UTRN: variants seen among roughly 807,000 people sequenced by gnomAD.
The protein encoded by UTRN is utrophin.
Under a neutral mutation model 463.9 loss-of-function variants are expected in UTRN, and 283 were observed. That is an observed-to-expected ratio of 0.61 (90% CI 0.55 to 0.67). The LOEUF (loss-of-function observed/expected upper bound fraction) is 0.67, where lower values mean the gene tolerates loss of function less well. Ranked by LOEUF, UTRN falls within the 30% of genes least tolerant of loss-of-function variation. UTRN has a pLI of 0.00. For synonymous variants in UTRN, 1,442 were observed against 1,431.5 expected (o/e 1.01, Z -0.17); for missense variants, 3,922 against 4,084.3 (o/e 0.96, Z 1.08).
intron 9 of UTRN, among the ~76,000 whole-genome samples, chr6:144,431,797 A>G (rs535073408): frequency 6.6e-6 from 1 of 152,156 alleles, no homozygotes; most frequent in South Asian, 2.1e-4. Flanking sequence ...TTTTGTCCAT[A>G]ACTTAACTCA....
At chr6:144,685,738 T>G (rs1782681608) in intron 52 of UTRN, among the ~76,000 whole-genome samples, 1 of 152,178 alleles carries the variant, frequency 6.6e-6, no homozygotes, top group Non-Finnish European at 1.5e-5. Context: ...CTAATTTGAG[T>G]TCCTTGTAGA....
chr6:144,542,668 A>G, intron 45 of UTRN, 127 bp from the exon 46 acceptor site: 3 of 884,348 alleles, frequency 3.4e-6, no homozygotes, highest in Non-Finnish European at 5.1e-6. Context: ...AGGTAGAGCC[A>G]GAAGTTTAGG....
At chr6:144,690,095 T>TTTTTTTGTGTCTG (rs59704043) in intron 52 of UTRN, among the ~76,000 whole-genome samples, 1 of 33,456 alleles carries the variant, frequency 3.0e-5, no homozygotes, top group Admixed American at 6.8e-4. Context: ...TTTTTTTTTT[T>TTTTTTTGTGTCTG]TGTGTGTGTG....
intron 53 of UTRN, among the ~76,000 whole-genome samples, chr6:144,719,457 A>C (rs1443317131): frequency 6.6e-6 from 1 of 152,118 alleles, no homozygotes; most frequent in Non-Finnish European, 1.5e-5. Context: ...CCTGCCTGTA[A>C]TCCCAGCTAC....
rs1782470926 is a variant in UTRN, at chr6:144,851,353, A to G, written c.*356A>G. ...ATATGATACCGTCTTTTTAATAACT[A>G]TGACAAAGCTTACATAAGAATTAGA... On this transcript the variant is annotated 3_prime_UTR_variant, in exon 75 of 75. Transcript: ENST00000367545. 2.2e-5 allele frequency: 5 copies of G among 227,436 alleles called. No individual in the cohort carries two copies. The South Asian group carries it at 4.9e-4, about 22-fold the overall frequency. 14.1% of individuals were successfully genotyped at this position (227,436 alleles called of 1,614,324 possible).
At chr6:144,359,401 C>T (rs986736148) in intron 2 of UTRN, among the ~76,000 whole-genome samples, 2 of 152,176 alleles carry the variant, frequency 1.3e-5, no homozygotes, top group Non-Finnish European at 2.9e-5. Context: ...ATACTTGCTA[C>T]TATTATTATT....
At chr6:144,511,612 A>G (rs192997339) in intron 35 of UTRN, among the ~76,000 whole-genome samples, 320 of 152,346 alleles carry the variant, frequency 2.1e-3, no homozygotes, top group African/African-American at 7.4e-3. Flanking sequence ...TATTATATCT[A>G]TCTCATACAG....
At chr6:144,627,034 A>G (rs920068396) in intron 51 of UTRN, among the ~76,000 whole-genome samples, 1 of 152,166 alleles carries the variant, frequency 6.6e-6, no homozygotes, top group Admixed American at 6.5e-5. Flanking sequence ...CAAACAAAAC[A>G]CTGACCTAGT....
At chr6:144,824,507 T>TA (rs1562954459) in intron 66 of UTRN, among the ~76,000 whole-genome samples, 8 of 113,192 alleles carry the variant, frequency 7.1e-5, no homozygotes, top group South Asian at 7.3e-4. Context: ...TATGTATATA[T>TA]TGTATATATA....
In UTRN at chr6:144,558,469, A is replaced by T. The variant is rs560127286; in HGVS notation, c.7289+1158A>T. ...TAAGGATATCATAACTCAGGCAGGG[A>T]AGAAGGTGAATTAAAAACAGCTTTA... On this transcript the variant is annotated intron_variant, in intron 50 of 74. Transcript: ENST00000367545. 1.7e-4 allele frequency among the ~76,000 whole-genome samples: 26 copies of T among 152,234 alleles called. No individual in the cohort carries two copies. The South Asian group carries it at 4.8e-3, about 28-fold the overall frequency.
chr6:144,610,815 C>T (rs1805422378), intron 51 of UTRN, among the ~76,000 whole-genome samples: 1 of 152,154 alleles, frequency 6.6e-6, no homozygotes, highest in Non-Finnish European at 1.5e-5. Flanking sequence ...GCATAGGTTG[C>T]AGTGAGCCGA....
Position 144,514,559 on chromosome 6 carries a change from A to G in UTRN, c.5074-91A>G. ...CTCTTACTGGGGATCCCAGATATTT[A>G]TTTAAACTACCTTTCCTTCTGTATA... On this transcript the variant is annotated intron_variant, in intron 36 of 74. Transcript: ENST00000367545. 9 of 1,369,088 alleles carry G rather than the reference A, an allele frequency of 6.6e-6. No individual in the cohort carries two copies. The South Asian group carries it at 1.2e-4, about 19-fold the overall frequency. 84.8% of individuals were successfully genotyped at this position (1,369,088 alleles called of 1,614,324 possible). A position where few individuals can be genotyped will look rare whatever the true frequency, so the allele number is the denominator to read the frequency against.
At chr6:144,379,234 A>AT (rs35706873) in intron 2 of UTRN, among the ~76,000 whole-genome samples, 138,188 of 152,248 alleles carry the variant, frequency 0.91, 62,888 homozygotes, top group African/African-American at 0.97. Context: ...TCACCCCAAC[A>AT]TTGGTGCTTT....
At chr6:144,526,910 C>T (rs564211568) in intron 41 of UTRN, among the ~76,000 whole-genome samples, 1 of 152,186 alleles carries the variant, frequency 6.6e-6, no homozygotes, top group African/African-American at 2.4e-5. Flanking sequence ...AGTTCTCTGC[C>T]TCAGCCTCCC....
chr6:144,758,598 TTTC>T (rs1272194157), intron 58 of UTRN, among the ~76,000 whole-genome samples: 2 of 152,300 alleles, frequency 1.3e-5, no homozygotes, highest in African/African-American at 2.4e-5. Context: ...TTGCATACTG[TTTC>T]TTCTTCTTAT....
intron 2 of UTRN, among the ~76,000 whole-genome samples, chr6:144,351,270 A>G (rs1233186106): frequency 6.6e-6 from 1 of 152,236 alleles, no homozygotes; most frequent in East Asian, 1.9e-4. Context: ...TCAAGTCAGT[A>G]CAGGAAAAAA....
intron 42 of UTRN, 64 bp downstream of exon 42, chr6:144,531,266 A>T: frequency 7.1e-7 from 1 of 1,407,428 alleles, no homozygotes; most frequent in South Asian, 1.9e-5. Context: ...GTTAAGACAG[A>T]TTTCAGAAGT....
intron 33 of UTRN, among the ~76,000 whole-genome samples, chr6:144,497,554 G>T (rs1057434110): frequency 6.6e-6 from 1 of 151,226 alleles, no homozygotes; most frequent in Non-Finnish European, 1.5e-5. Context: ...GGTAGTATGT[G>T]CCTGTAATCC....
At chr6:144,789,124 T>C in intron 61 of UTRN, 70 bp from the exon 62 acceptor site, 1 of 1,243,034 alleles carries the variant, frequency 8.0e-7, no homozygotes, top group Non-Finnish European at 1.1e-6. Context: ...AAAATAGATA[T>C]TCAGAAACAA....
Sources: gnomAD v4.1 joint callset for allele counts (sites outside exome capture counted in the v4.1 genomes callset) on GRCh38, gnomAD v4.1.1 for gene constraint, MANE v1.5 for transcripts, NCBI Gene and HGNC (gene_info 2026-07-23, HGNC 2026-07-21) for gene names.